CCKBR: variants seen among roughly 807,000 people sequenced by gnomAD.
CCKBR encodes the protein gastrin/cholecystokinin type B receptor.
A neutral mutation model predicts 34.6 loss-of-function variants in CCKBR; 33 were observed. The ratio of observed to expected loss-of-function variants is 0.95; its 90% CI spans 0.72 to 1.27. The LOEUF (loss-of-function observed/expected upper bound fraction) is 1.27. CCKBR is among the 50% of genes most tolerant of loss of function. The probability of loss-of-function intolerance (pLI) is 0.00; values close to 1 mark genes in which losing one functional copy is unlikely to be tolerated. For missense variants in CCKBR, 652 were observed against 617.4 expected (o/e 1.06, Z -0.59); for synonymous variants, 269 against 267.5 (o/e 1.01, Z -0.06).
In CCKBR at chr11:6,271,536, C is replaced by T. The variant is rs201934652; in HGVS notation, c.1337C>T (p.Pro446Leu). 8.8e-5 allele frequency: 140 copies of T among 1,591,426 alleles called. No individual in the cohort carries two copies. Among genetic ancestry groups the T allele is most frequent in the Non-Finnish European group, 1.1e-4 (126 of 1,168,556 alleles). ...TACACCACCATCAGCACACTGGGCC[C>T]TGGCTGAGGAGTAGAGGGGCCGTGG... is the stretch of plus-strand genomic sequence containing the variant. Reference protein sequence around the residue: ...LSYTTISTLGPG With the variant: ...LSYTTISTLGLG The change falls in exon 5 of 5, where the codon CCT (proline) becomes CTT (leucine). Residue 446 changes from proline to leucine, a missense_variant. Transcript: ENST00000334619.
At chr11:6,266,695 G>C (rs1053790404) in intron 1 of CCKBR, among the ~76,000 whole-genome samples, 1 of 152,074 alleles carries the variant, frequency 6.6e-6, no homozygotes, top group African/African-American at 2.4e-5. Context: ...TTTATAAATA[G>C]CATTTATTTG....
In CCKBR at chr11:6,270,819, G is replaced by T; in HGVS notation, c.811+16G>T. The T allele has an allele frequency of 3.7e-6, 6 of 1,614,042 alleles. No individual in the cohort carries two copies. The highest frequency in any genetic ancestry group is 1.7e-5 in the Admixed American group (1 of 60,028). The stretch of plus-strand genomic sequence containing the variant: ...GGGCTGCCAGGTGGGGCTGGACCAC[G>T]TGAGCAAAATCTGGGCGAGGCGGAG... On this transcript the variant is annotated intron_variant, in intron 4 of 4. Transcript: ENST00000334619.
At chr11:6,266,821 C>T (rs551475923) in intron 1 of CCKBR, among the ~76,000 whole-genome samples, 1 of 152,258 alleles carries the variant, frequency 6.6e-6, no homozygotes, top group Admixed American at 6.5e-5. Context: ...ATTGTGTAAA[C>T]ATCATAGAGT....
intron 1 of CCKBR, 79 bp downstream of exon 1, chr11:6,260,158 T>G (rs1229779162): frequency 1.8e-5 from 19 of 1,062,060 alleles, no homozygotes; most frequent in Non-Finnish European, 2.5e-5. Flanking sequence ...CCCAACGAGC[T>G]CCACACTACC....
chr11:6,269,563 G>A (rs1848259672), intron 1 of CCKBR, 106 bp from the exon 2 acceptor site: 2 of 1,292,146 alleles, frequency 1.5e-6, no homozygotes, highest in Non-Finnish European at 2.2e-6. Context: ...GGTGGGGAAT[G>A]TAGGCATCTG....
At chr11:6,260,619 C>T (rs183878129) in intron 1 of CCKBR, among the ~76,000 whole-genome samples, 1 of 152,238 alleles carries the variant, frequency 6.6e-6, no homozygotes, top group Non-Finnish European at 1.5e-5. Flanking sequence ...CTGAATTAGG[C>T]TGGACACTAG....
chr11:6,271,650 C>T lies in CCKBR; in HGVS notation c.*107C>T, dbSNP rs1007404763. The T allele has an allele frequency of 2.7e-6, 3 of 1,114,650 alleles. No individual in the cohort carries two copies. Among genetic ancestry groups the T allele is most frequent in the South Asian group, 3.2e-5 (2 of 63,150 alleles). 69.0% of individuals were successfully genotyped at this position (1,114,650 alleles called of 1,614,324 possible). Reference sequence around the variant, plus strand: ...TGACACAGGAAACCAACACCCAAAGCATGGACTAACCCCAACGCACAGGAA... The same window carrying T: ...TGACACAGGAAACCAACACCCAAAGTATGGACTAACCCCAACGCACAGGAA... On this transcript the variant is annotated 3_prime_UTR_variant, in exon 5 of 5. Coordinates refer to ENST00000334619, the MANE Select transcript of CCKBR (RefSeq NM_176875.4).
chr11:6,263,660 T>A (rs1213150515), intron 1 of CCKBR, among the ~76,000 whole-genome samples: 2 of 151,970 alleles, frequency 1.3e-5, no homozygotes, highest in Non-Finnish European at 2.9e-5. Context: ...TTTGTAGAGA[T>A]AGGGTTTTTC....
Position 6,271,557 on chromosome 11 carries a change from C to T in CCKBR, c.*14C>T, listed in dbSNP as rs745844650. On this transcript the variant is annotated 3_prime_UTR_variant, in exon 5 of 5. Transcript: ENST00000334619. ...GGCCCTGGCTGAGGAGTAGAGGGGC[C>T]GTGGGGGTTGAGGCAGGGCAAATGA... The T allele has an allele frequency of 2.7e-5, 42 of 1,566,540 alleles. No homozygotes were observed. Among genetic ancestry groups the T allele is most frequent in the East Asian group, 1.8e-4 (8 of 44,394 alleles).
chr11:6,261,957 G>A (rs1478775367), intron 1 of CCKBR, among the ~76,000 whole-genome samples: 1 of 152,212 alleles, frequency 6.6e-6, no homozygotes, highest in East Asian at 1.9e-4. Context: ...TTCTGGAAAT[G>A]GAATCAACAG....
intron 1 of CCKBR, among the ~76,000 whole-genome samples, chr11:6,266,528 T>C (rs943744758): frequency 4.7e-5 from 7 of 148,778 alleles, no homozygotes; most frequent in Admixed American, 3.3e-4. Context: ...ACAAAAAACA[T>C]GGAGGTAGTA....
chr11:6,266,208 T>C (rs967938453), intron 1 of CCKBR, among the ~76,000 whole-genome samples: 5 of 152,078 alleles, frequency 3.3e-5, no homozygotes, highest in African/African-American at 1.2e-4. Context: ...GGAGGCAGTA[T>C]GGGCCAGGCG....
rs1343859718 is a variant in CCKBR at position 6,270,296 on chromosome 11, G to GT, written c.613dup (p.Cys205LeufsTer48). On this transcript the variant is annotated frameshift_variant, in exon 3 of 5. Transcript: ENST00000334619. LOFTEE classifies it high-confidence loss of function. ...AACCAGTGGGGCCTCGTGTGCTGCA[G>GT]TGCGTGCATCGCTGGCCCAGTGCGC... 1.2e-6 allele frequency: 2 copies of GT among 1,613,486 alleles called. No homozygotes were observed. The highest frequency in any genetic ancestry group is 1.7e-6 in the Non-Finnish European group (2 of 1,180,002).
intron 1 of CCKBR, 97 bp from the exon 2 acceptor site, chr11:6,269,572 T>C (rs2133903391): frequency 7.1e-7 from 1 of 1,405,768 alleles, no homozygotes; most frequent in Non-Finnish European, 9.8e-7. Context: ...TGTAGGCATC[T>C]GGCTGGGTAG....
At chr11:6,261,804 A>G (rs916939850) in intron 1 of CCKBR, among the ~76,000 whole-genome samples, 5 of 152,192 alleles carry the variant, frequency 3.3e-5, no homozygotes, top group Non-Finnish European at 5.9e-5. Flanking sequence ...AATGTGGAGA[A>G]CGGATTGGAA....
chr11:6,268,408 C>T (rs558170696), intron 1 of CCKBR, among the ~76,000 whole-genome samples: 1 of 152,220 alleles, frequency 6.6e-6, no homozygotes, highest in Admixed American at 6.5e-5. Flanking sequence ...CCTGTTCAAT[C>T]CAATTCGATT....
intron 4 of CCKBR, 24 bp downstream of exon 4, chr11:6,270,827 A>C: frequency 6.2e-7 from 1 of 1,613,956 alleles, no homozygotes; most frequent in Non-Finnish European, 8.5e-7. Flanking sequence ...ACGTGAGCAA[A>C]ATCTGGGCGA....
chr11:6,263,912 T>C (rs1848172388), intron 1 of CCKBR, among the ~76,000 whole-genome samples: 2 of 152,262 alleles, frequency 1.3e-5, no homozygotes, highest in Non-Finnish European at 2.9e-5. Context: ...CAAGTAGACC[T>C]CTGAATGTAA....
intron 1 of CCKBR, among the ~76,000 whole-genome samples, chr11:6,265,945 T>C (rs1003669138): frequency 5.9e-5 from 9 of 152,086 alleles, no homozygotes; most frequent in African/African-American, 2.2e-4. Flanking sequence ...GGAAAGCAGG[T>C]GCACTTCTGT....
Sources: allele counts gnomAD v4.1 joint callset (sites outside exome capture counted in the v4.1 genomes callset), GRCh38; gene constraint gnomAD v4.1.1; transcripts MANE v1.5; gene names NCBI Gene and HGNC (gene_info 2026-07-23, HGNC 2026-07-21).